Variants in TTLL7 observed in about 807,000 individuals in gnomAD.
TTLL7 encodes tubulin tyrosine ligase like 7.
In TTLL7, 53 loss-of-function variants were observed where a neutral mutation model predicts 120.2. That is an observed-to-expected ratio of 0.44 (90% CI 0.35 to 0.55). TTLL7 has a LOEUF of 0.55. TTLL7 is among the 20% of genes least tolerant of loss of function. The pLI, the probability that TTLL7 is intolerant of heterozygous loss-of-function variation, is 0.00. For synonymous variants in TTLL7, 353 were observed against 351.7 expected, an observed-to-expected ratio of 1.00 and a Z score of -0.04; for missense variants, 803 against 1,054.7, an observed-to-expected ratio of 0.76 and a Z score of 3.31.
intron 3 of TTLL7, among the ~76,000 whole-genome samples, chr1:83,951,281 G>A (rs551659299): frequency 3.9e-5 from 6 of 151,976 alleles, no homozygotes; most frequent in African/African-American, 1.2e-4. Context: ...CCCGGGAGAC[G>A]GAGCTTGCAG....
chr1:83,974,660 T>C (rs1233446245), intron 1 of TTLL7, among the ~76,000 whole-genome samples: 3 of 152,056 alleles, frequency 2.0e-5, no homozygotes, highest in Non-Finnish European at 4.4e-5. Context: ...TGTTCACTTT[T>C]TGGTACCATA....
intron 19 of TTLL7, among the ~76,000 whole-genome samples, chr1:83,885,778 T>A (rs1439528912): frequency 1.3e-5 from 2 of 152,064 alleles, no homozygotes; most frequent in Non-Finnish European, 2.9e-5. Context: ...AGTTGTGAAA[T>A]GCCTCTATAA....
intron 6 of TTLL7, 93 bp from the exon 7 acceptor site, chr1:83,942,772 A>C: frequency 1.2e-6 from 1 of 861,118 alleles, no homozygotes; most frequent in Non-Finnish European, 1.8e-6. Flanking sequence ...ATAGTGGAGT[A>C]AGGGACTCCA....
intron 1 of TTLL7, among the ~76,000 whole-genome samples, chr1:83,984,977 A>T (rs1231195664): frequency 2.0e-5 from 3 of 152,180 alleles, no homozygotes; most frequent in Non-Finnish European, 4.4e-5. Context: ...ATTGATAAAC[A>T]TCTAGCAAAA....
At chr1:83,971,400 G>A (rs575880505) in intron 1 of TTLL7, among the ~76,000 whole-genome samples, 2 of 152,230 alleles carry the variant, frequency 1.3e-5, no homozygotes, top group African/African-American at 4.8e-5. Context: ...TTTGGTGGAT[G>A]TAATTAAATG....
chr1:83,951,812 G>A (rs753405185), intron 3 of TTLL7, 33 bp downstream of exon 3: 3 of 1,576,182 alleles, frequency 1.9e-6, no homozygotes, highest in South Asian at 2.4e-5. Context: ...CAGCAATTAT[G>A]AGAATCCCAT....
chr1:83,942,097 C>T (rs954885838), intron 7 of TTLL7, among the ~76,000 whole-genome samples: 1 of 152,172 alleles, frequency 6.6e-6, no homozygotes, highest in Non-Finnish European at 1.5e-5. Context: ...CAAACTGTCT[C>T]AACACAGCTC....
Position 83,962,021 on chromosome 1 carries a change from T to C in TTLL7, c.-176-9634A>G, listed in dbSNP as rs531352392. On this transcript the variant is annotated intron_variant, in intron 1 of 20. Transcript: ENST00000260505. ...TAGGGTCTGTTGTACTTAAGTCTCC[T>C]GAGATTTCAATAACTTTGATCACAA... Among the ~76,000 whole-genome samples the C allele has an allele frequency of 5.3e-5, 8 of 152,232 alleles. No homozygotes were observed. The South Asian group carries it at 1.5e-3, about 28-fold the overall frequency.
intron 9 of TTLL7, among the ~76,000 whole-genome samples, chr1:83,932,061 C>T (rs1659645348): frequency 1.3e-5 from 2 of 152,092 alleles, no homozygotes; most frequent in African/African-American, 4.8e-5. Flanking sequence ...AATGAAGAAA[C>T]ATTCATGCAA....
chr1:83,892,645 T>C (rs1013324787), intron 18 of TTLL7, among the ~76,000 whole-genome samples: 3 of 108,918 alleles, frequency 2.8e-5, no homozygotes, highest in South Asian at 2.7e-4. Context: ...TGAACATATA[T>C]ATGAACATAT....
At position 83,949,956 on chromosome 1, in the gene TTLL7, A is replaced by T; in HGVS notation, c.188T>A (p.Met63Lys). 6.2e-7 allele frequency: 1 copy of T among 1,613,382 alleles called. No homozygotes were observed. Among genetic ancestry groups the T allele is most frequent in the Non-Finnish European group, 8.5e-7 (1 of 1,179,788 alleles). Residue 63 changes from methionine (M) to lysine (K), a missense_variant, in exon 4 of 21, where the codon ATG (methionine) becomes AAG (lysine). Physicochemically the swap from Met to Lys is moderately conservative, Grantham distance 95 (BLOSUM62 -1). Coordinates refer to ENST00000260505, the MANE Select transcript of TTLL7 (RefSeq NM_024686.6). ...TGTTTCATCCTCATCTGGAGTTTTC[A>T]TAAATCCCATTTCATCTATTACTAA... Reference protein sequence around the residue: ...VRLVIDEMGFMKTPDEDETSN... With the variant: ...VRLVIDEMGFKKTPDEDETSN...
intron 20 of TTLL7, among the ~76,000 whole-genome samples, chr1:83,880,812 G>A (rs1654380682): frequency 6.6e-6 from 1 of 151,876 alleles, no homozygotes; most frequent in South Asian, 2.1e-4. Flanking sequence ...AACAAAGCTG[G>A]AGGCATCACG....
chr1:83,933,554 T>G, intron 9 of TTLL7, 54 bp downstream of exon 9: 1 of 1,553,288 alleles, frequency 6.4e-7, no homozygotes, highest in Non-Finnish European at 8.7e-7. Flanking sequence ...AAAGCATTTA[T>G]TTTAATACGT....
chr1:83,883,399 G>A (rs1654697581), intron 19 of TTLL7, among the ~76,000 whole-genome samples: 1 of 151,922 alleles, frequency 6.6e-6, no homozygotes, highest in African/African-American at 2.4e-5. Context: ...GTGAGAGAGA[G>A]AGTGTGTCTC....
At chr1:83,940,709 A>G (rs891371551) in intron 7 of TTLL7, among the ~76,000 whole-genome samples, 2 of 152,042 alleles carry the variant, frequency 1.3e-5, no homozygotes, top group Admixed American at 1.3e-4. Flanking sequence ...CTACTATTTC[A>G]ATTTAAGTCC....
intron 1 of TTLL7, among the ~76,000 whole-genome samples, chr1:83,987,166 A>G (rs1652540548): frequency 6.6e-6 from 1 of 152,128 alleles, no homozygotes; most frequent in African/African-American, 2.4e-5. Flanking sequence ...AAGAAAATTT[A>G]AAATATAGGT....
At chr1:83,932,449 A>C (rs1054086867) in intron 9 of TTLL7, among the ~76,000 whole-genome samples, 3 of 152,136 alleles carry the variant, frequency 2.0e-5, no homozygotes, top group African/African-American at 7.2e-5. Context: ...CCTCACATTT[A>C]TCTTATCTCT....
intron 19 of TTLL7, among the ~76,000 whole-genome samples, chr1:83,887,011 G>A (rs1655028048): frequency 6.6e-6 from 1 of 151,996 alleles, no homozygotes; most frequent in African/African-American, 2.4e-5. Context: ...TGATAAAACT[G>A]TTACTGGGCA....
chr1:83,876,663 TTAGA>T (rs1298025707), intron 20 of TTLL7, among the ~76,000 whole-genome samples: 1 of 151,970 alleles, frequency 6.6e-6, no homozygotes, highest in Non-Finnish European at 1.5e-5. Context: ...TTCCTAAGTA[TTAGA>T]TATTCTTTCA....
Sources: allele counts gnomAD v4.1 joint callset (sites outside exome capture counted in the v4.1 genomes callset), GRCh38; gene constraint gnomAD v4.1.1; transcripts MANE v1.5; gene names NCBI Gene and HGNC (gene_info 2026-07-23, HGNC 2026-07-21).